The following RIF1 variants were observed in gnomAD, a reference collection of about 807,000 sequenced individuals.
RIF1 encodes replication timing regulatory factor 1, also known as telomere-associated protein RIF1.
In RIF1, 45 loss-of-function variants were observed where a neutral mutation model predicts 247.1. That is an observed-to-expected ratio of 0.18 (90% CI 0.14 to 0.23). The LOEUF is 0.23. Ranked by LOEUF, RIF1 falls within the 10% of genes least tolerant of loss-of-function variation. RIF1 has a pLI of 1.00. For synonymous variants in RIF1, 1,087 were observed against 978.8 expected (o/e 1.11, Z -2.06); for missense variants, 2,967 against 2,862.5 (o/e 1.04, Z -0.83).
At chr2:151,514,828 A>G in the RIF1 span, 23 of 1,573,002 alleles carry the variant, frequency 1.5e-5, no homozygotes, top group Admixed American at 3.7e-5. Context: ...CTCGCTTGCT[A>G]TTTTAGTTGC....
At chr2:151,526,957 G>A in the RIF1 span, 21 of 1,603,880 alleles carry the variant, frequency 1.3e-5, no homozygotes, top group Middle Eastern at 8.2e-4. Flanking sequence ...CGAGCACCGT[G>A]TTTTTGTCAT....
chr2:151,530,960 A>G, the RIF1 span: 30 of 1,432,910 alleles, frequency 2.1e-5, no homozygotes, highest in Non-Finnish European at 2.9e-5. Context: ...GGAGGCCAAG[A>G]TGAGAGGGAC....
intron 11 of RIF1, chr2:151,501,554 AC>A: frequency 1.2e-6 from 1 of 808,122 alleles, no homozygotes; most frequent in East Asian, 3.0e-5. Context: ...ACCTAAAAAA[AC>A]AGCCTAAAAG....
chr2:151,517,832 T>G, the RIF1 span, among the ~76,000 whole-genome samples: 3 of 152,216 alleles, frequency 2.0e-5, no homozygotes, highest in African/African-American at 7.2e-5. Context: ...ATTATAATCT[T>G]ATGGGACCAC....
At chr2:151,533,540 A>G in the RIF1 span, 3 of 1,546,812 alleles carry the variant, frequency 1.9e-6, no homozygotes, top group East Asian at 2.5e-5. Context: ...CTAGATTTAT[A>G]TTTTCTCTGT....
chr2:151,516,626 G>A, the RIF1 span: 3 of 1,099,668 alleles, frequency 2.7e-6, no homozygotes, highest in East Asian at 2.5e-5. Flanking sequence ...GCAGTTTAAG[G>A]ATAGTATTTT....
At chr2:151,509,923 T>C (rs1191686297), downstream of RIF1, among the ~76,000 whole-genome samples, 1 of 152,228 alleles carries the variant, frequency 6.6e-6, no homozygotes, top group South Asian at 2.1e-4. Context: ...TTTTTATTTC[T>C]GTAACTGGTT....
Position 151,463,134 on chromosome 2 carries a change from C to G in RIF1, c.3614C>G (p.Thr1205Ser). 6.2e-7 allele frequency: 1 copy of G among 1,614,006 alleles called. No homozygotes were observed. The highest frequency in any genetic ancestry group is 1.1e-5 in the South Asian group (1 of 91,076). ...GTCAGCAGTAGTTCAGTTTCTAATA[C>G]CACTGTTGCTGGAACTCCCCCATAC... ...FVVSSSSVSNTTVAGTPPYPT... is the reference protein window; with the variant it reads ...FVVSSSSVSNSTVAGTPPYPT... Residue 1205 changes from threonine (T) to serine (S), a missense_variant, in exon 30 of 36, where the codon ACC becomes AGC. Coordinates refer to ENST00000444746, the MANE Select transcript of RIF1 (RefSeq NM_018151.5).
At chr2:151,525,815 G>C in the RIF1 span, 45 of 745,560 alleles carry the variant, frequency 6.0e-5, no homozygotes, top group South Asian at 6.9e-4. Context: ...CATTTTAAAA[G>C]TCAGAGTTTA....
chr2:151,499,105 ATTAAG>A (rs913430202), intron 10 of RIF1, among the ~76,000 whole-genome samples: 2 of 152,114 alleles, frequency 1.3e-5, no homozygotes, highest in Non-Finnish European at 2.9e-5. Context: ...CACTTTTTTT[ATTAAG>A]TTAAATGATT....
At chr2:151,490,101 T>C in intron 9 of RIF1, 1 of 1,548,164 alleles carries the variant, frequency 6.5e-7, no homozygotes, top group African/African-American at 1.4e-5. Flanking sequence ...GGCAAATTCT[T>C]TATAAGAAGA....
intron 7 of RIF1, among the ~76,000 whole-genome samples, chr2:151,421,756 G>A (rs1269122361): frequency 6.6e-6 from 1 of 151,940 alleles, no homozygotes; most frequent in Non-Finnish European, 1.5e-5. Flanking sequence ...AGACTTCGTG[G>A]TAATGTTCAG....
chr2:151,462,919 A>G lies in RIF1; in HGVS notation c.3399A>G (p.Gln1133=), dbSNP rs145056668. Residue 1133 remains glutamine, a synonymous_variant, in exon 30 of 36, where the codon CAA becomes CAG. Coordinates refer to ENST00000444746, the MANE Select transcript of RIF1 (RefSeq NM_018151.5). ...TGGACAGTGACATTGTCATTCCTCA[A>G]GATGTCACGGAAGACTGTGGTATGG... The part of the protein sequence containing the change: ...EQMDSDIVIP[Q]DVTEDCGMAE... 18 of 1,610,828 alleles carry G rather than the reference A, an allele frequency of 1.1e-5. No homozygotes were observed. The highest frequency in any genetic ancestry group is 8.4e-5 in the Admixed American group (5 of 59,252).
the RIF1 span, chr2:151,524,381 C>T: frequency 6.2e-7 from 1 of 1,613,974 alleles, no homozygotes; most frequent in Non-Finnish European, 8.5e-7. Flanking sequence ...TAAGCCATGG[C>T]TGCCTTCCTT....
At position 151,435,567 on chromosome 2, in the gene RIF1, T is replaced by A. The variant is rs1190300184; in HGVS notation, c.1182T>A (p.Thr394=). 6.3e-7 allele frequency: 1 copy of A among 1,575,928 alleles called. No individual in the cohort carries two copies. Among genetic ancestry groups the A allele is most frequent in the Admixed American group, 1.7e-5 (1 of 59,946 alleles). Residue 394 remains threonine (T), a synonymous_variant, in exon 11 of 36, where the codon ACT becomes ACA. Coordinates refer to ENST00000444746, the MANE Select transcript of RIF1 (RefSeq NM_018151.5). ...CATCTCCAGGTTTAAATCCTATGAC[T>A]CCTGTACACAAAGGTAAGAGGTAGA... ...VATSPGLNPM[T]PVHKGASSPY...
chr2:151,499,931 C>G (rs2063157065), intron 11 of RIF1, among the ~76,000 whole-genome samples: 1 of 152,066 alleles, frequency 6.6e-6, no homozygotes, highest in South Asian at 2.1e-4. Flanking sequence ...TGCCTAAATG[C>G]AATCTGTGTA....
At chr2:151,531,087 C>T in the RIF1 span, 3 of 1,608,154 alleles carry the variant, frequency 1.9e-6, no homozygotes, top group Non-Finnish European at 2.6e-6. Context: ...TGTTGTATTC[C>T]AATTTATAAA....
At chr2:151,441,668 C>T (rs1558974167) in intron 15 of RIF1, among the ~76,000 whole-genome samples, 1 of 152,110 alleles carries the variant, frequency 6.6e-6, no homozygotes, top group African/African-American at 2.4e-5. Flanking sequence ...AAAATATTAT[C>T]GTTGGAGATT....
intron 16 of RIF1, among the ~76,000 whole-genome samples, 190 bp from the exon 17 acceptor site, chr2:151,443,069 C>T (rs1304588975): frequency 1.3e-5 from 2 of 152,020 alleles, no homozygotes; most frequent in Non-Finnish European, 2.9e-5. Flanking sequence ...AGCCACTGCG[C>T]CCGGCCAAGA....
Sources: allele counts gnomAD v4.1 joint callset (sites outside exome capture counted in the v4.1 genomes callset), GRCh38; gene constraint gnomAD v4.1.1; transcripts MANE v1.5; gene names NCBI Gene and HGNC (gene_info 2026-07-23, HGNC 2026-07-21).